The following MGAT4C variants were observed in gnomAD, a reference collection of about 807,000 sequenced individuals.
The protein encoded by MGAT4C is MGAT4 family member C.
In MGAT4C, 19 loss-of-function variants were observed where a neutral mutation model predicts 40.1. The observed-to-expected ratio is 0.47, with a 90% CI of 0.33 to 0.70. The LOEUF (loss-of-function observed/expected upper bound fraction) is 0.70, where lower values mean the gene tolerates loss of function less well. Among genes scored for constraint, MGAT4C ranks in the 30% least tolerant of loss-of-function variants. The pLI, the probability that MGAT4C is intolerant of heterozygous loss-of-function variation, is 0.02. For missense variants in MGAT4C, 491 were observed against 563.2 expected (o/e 0.87, Z 1.30); for synonymous variants, 181 against 187.1 (o/e 0.97, Z 0.27).
intron 2 of MGAT4C, among the ~76,000 whole-genome samples, chr12:86,556,095 ATTATTATTGCATTT>A (rs1276626986): frequency 3.3e-5 from 5 of 152,338 alleles, no homozygotes; most frequent in Admixed American, 2.6e-4. Context: ...TCTTCAAGAA[ATTATTATTGCATTT>A]TTATTATTGC....
intron 1 of MGAT4C, among the ~76,000 whole-genome samples, chr12:86,167,356 G>T (rs902002587): frequency 6.6e-6 from 1 of 152,198 alleles, no homozygotes; most frequent in South Asian, 2.1e-4. Context: ...AAGCACTGAT[G>T]TAGATGGTGG....
chr12:86,827,659 T>A (rs1460856180), intron 1 of MGAT4C, among the ~76,000 whole-genome samples: 1 of 151,454 alleles, frequency 6.6e-6, no homozygotes, highest in Non-Finnish European at 1.5e-5. Context: ...TTTATCATAC[T>A]TAAACAAATA....
At chr12:86,211,299 A>T in intron 1 of MGAT4C, among the ~76,000 whole-genome samples, 1 of 148,150 alleles carries the variant, frequency 6.7e-6, no homozygotes. Context: ...GAGGTGGCTC[A>T]CACCTGTAAT....
chr12:86,831,084 C>A (rs1456552281), intron 1 of MGAT4C, among the ~76,000 whole-genome samples: 2 of 151,790 alleles, frequency 1.3e-5, no homozygotes, highest in African/African-American at 4.8e-5. Context: ...AGCCCACCCC[C>A]TGCCGACCCC....
chr12:86,690,666 T>C (rs1036260231), intron 2 of MGAT4C, among the ~76,000 whole-genome samples: 5 of 152,068 alleles, frequency 3.3e-5, no homozygotes, highest in African/African-American at 1.2e-4. Flanking sequence ...ATGAGCCGGG[T>C]ACCTTAGTTG....
chr12:86,004,035 G>GCCTCGCGTTTTAGAGTTTCCAGTTTTT lies in MGAT4C; in HGVS notation c.-6-14484_-6-14483insAAAAACTGGAAACTCTAAAACGCGAGG, dbSNP rs1285155903. ...AGTATTTTACATGTTTTACAGTGTTGCCTTTTCAAAACAAATCTTAAGTGA... is the reference window on the plus strand; with the variant it reads ...AGTATTTTACATGTTTTACAGTGTTGCCTCGCGTTTTAGAGTTTCCAGTTTTTCCTTTTCAAAACAAATCTTAAGTGA... On this transcript the variant is annotated intron_variant, in intron 2 of 4. Coordinates refer to ENST00000611864, the MANE Select transcript of MGAT4C (RefSeq NM_001351288.2). 2.6e-5 allele frequency among the ~76,000 whole-genome samples: 4 copies of GCCTCGCGTTTTAGAGTTTCCAGTTTTT among 152,160 alleles called. No homozygotes were observed. The East Asian group carries it at 7.7e-4, about 29-fold the overall frequency.
At chr12:86,424,349 T>A (rs1163681861) in intron 3 of MGAT4C, among the ~76,000 whole-genome samples, 1 of 152,232 alleles carries the variant, frequency 6.6e-6, no homozygotes, top group African/African-American at 2.4e-5. Flanking sequence ...GCACTATGCA[T>A]CCTCCATTTG....
At position 85,975,293 on chromosome 12, in the gene MGAT4C, C is replaced by T. The variant is rs891704871; in HGVS notation, c.*3996G>A. On this transcript the variant is annotated 3_prime_UTR_variant, in exon 5 of 5. Coordinates refer to ENST00000611864, the MANE Select transcript of MGAT4C (RefSeq NM_001351288.2). Reference sequence around the variant, plus strand: ...TAATTGTTATTGATTACAATGAAGGCCTCTGGTAATGTTTTCCAGGGTCAT... The same window carrying T: ...TAATTGTTATTGATTACAATGAAGGTCTCTGGTAATGTTTTCCAGGGTCAT... 1 of 150,898 alleles carries T rather than the reference C, an allele frequency of 6.6e-6. No individual in the cohort carries two copies. Among genetic ancestry groups the T allele is most frequent in the African/African-American group, 2.4e-5 (1 of 41,308 alleles). 9.3% of individuals were successfully genotyped at this position (150,898 alleles called of 1,614,324 possible). A position where few individuals can be genotyped will look rare whatever the true frequency, so the allele number is the denominator to read the frequency against.
intron 4 of MGAT4C, among the ~76,000 whole-genome samples, chr12:86,298,630 A>C (rs1953737463): frequency 6.6e-6 from 1 of 152,196 alleles, no homozygotes; most frequent in African/African-American, 2.4e-5. Flanking sequence ...GGTCTTTCAG[A>C]TAAAGCTGTG....
At chr12:86,024,088 C>G (rs1890034320) in intron 2 of MGAT4C, among the ~76,000 whole-genome samples, 2 of 151,694 alleles carry the variant, frequency 1.3e-5, no homozygotes, top group African/African-American at 4.8e-5. Context: ...GCATTTTGTA[C>G]AATTATGGAT....
chr12:86,568,600 T>C (rs147652067), intron 2 of MGAT4C, among the ~76,000 whole-genome samples: 329 of 149,802 alleles, frequency 2.2e-3, no homozygotes, highest in African/African-American at 7.0e-3. Context: ...AGAACCCTAA[T>C]ACAGACTCTA....
At chr12:86,535,727 C>G (rs1187761134) in intron 2 of MGAT4C, among the ~76,000 whole-genome samples, 1 of 152,014 alleles carries the variant, frequency 6.6e-6, no homozygotes, top group East Asian at 1.9e-4. Context: ...AATAAGGCAT[C>G]CAGAAATGCA....
At chr12:86,247,176 G>A (rs1414407435) in intron 1 of MGAT4C, among the ~76,000 whole-genome samples, 2 of 152,152 alleles carry the variant, frequency 1.3e-5, no homozygotes, top group African/African-American at 4.8e-5. Context: ...TATATAATTA[G>A]TTATAGGGTT....
chr12:86,187,470 C>A lies in MGAT4C; in HGVS notation c.-57+68769G>T, dbSNP rs188859730. Among the ~76,000 whole-genome samples the A allele has an allele frequency of 3.2e-4, 49 of 152,062 alleles. No homozygotes were observed. The East Asian group carries it at 5.6e-3, about 17-fold the overall frequency. ...GAAACAGGGTCTTCATTACCCTTTG[C>A]ATTACTTTTTTCCTACATTACTCCA... On this transcript the variant is annotated intron_variant, in intron 1 of 4. Coordinates refer to ENST00000611864, the MANE Select transcript of MGAT4C (RefSeq NM_001351288.2).
chr12:86,014,203 T>C (rs1281406299), intron 2 of MGAT4C, among the ~76,000 whole-genome samples: 1 of 152,172 alleles, frequency 6.6e-6, no homozygotes, highest in Non-Finnish European at 1.5e-5. Context: ...TAATCAAAGT[T>C]CCGGTTAATA....
intron 2 of MGAT4C, among the ~76,000 whole-genome samples, chr12:86,041,586 C>T (rs1218710362): frequency 6.6e-6 from 1 of 152,138 alleles, no homozygotes; most frequent in East Asian, 1.9e-4. Flanking sequence ...ACCCACAAGT[C>T]ATTCAGGATT....
At chr12:86,177,630 A>G (rs1438714202) in intron 1 of MGAT4C, among the ~76,000 whole-genome samples, 1 of 152,114 alleles carries the variant, frequency 6.6e-6, no homozygotes, top group Non-Finnish European at 1.5e-5. Context: ...AATATAATAC[A>G]TATGCTAAAA....
At chr12:86,197,377 A>G (rs1474815390) in intron 1 of MGAT4C, among the ~76,000 whole-genome samples, 1 of 152,246 alleles carries the variant, frequency 6.6e-6, no homozygotes, top group Non-Finnish European at 1.5e-5. Context: ...ATTTATACAC[A>G]TAAACACACA....
chr12:86,327,756 T>G (rs1290038246), intron 4 of MGAT4C, among the ~76,000 whole-genome samples: 1 of 152,150 alleles, frequency 6.6e-6, no homozygotes, highest in Non-Finnish European at 1.5e-5. Flanking sequence ...GTTCTTGGTT[T>G]TCAATCAATC....
Sources: allele counts gnomAD v4.1 joint callset (sites outside exome capture counted in the v4.1 genomes callset), GRCh38; gene constraint gnomAD v4.1.1; transcripts MANE v1.5; gene names NCBI Gene and HGNC (gene_info 2026-07-23, HGNC 2026-07-21).